ABTB3: variants seen among roughly 807,000 people sequenced by gnomAD.
ABTB3 encodes the protein ankyrin repeat- and BTB/POZ domain-containing protein 3.
At chr12:107,639,152 G>A in the ABTB3 span, among the ~76,000 whole-genome samples, 10 of 152,324 alleles carry the variant, frequency 6.6e-5, no homozygotes, top group Admixed American at 5.2e-4. Context: ...GGAACAGTGT[G>A]TGCAGAGCCC....
the ABTB3 span, among the ~76,000 whole-genome samples, chr12:107,440,951 C>G: frequency 6.6e-6 from 1 of 152,242 alleles, no homozygotes; most frequent in South Asian, 2.1e-4. Context: ...ATATGAGGCT[C>G]CAGCTGGAAG....
At chr12:107,434,588 G>A in the ABTB3 span, among the ~76,000 whole-genome samples, 16 of 152,278 alleles carry the variant, frequency 1.1e-4, 1 homozygote, top group East Asian at 2.3e-3. Flanking sequence ...TGGGCTGAGC[G>A]CAGTGGCTGA....
chr12:107,425,966 C>T, the ABTB3 span, among the ~76,000 whole-genome samples: 1 of 152,248 alleles, frequency 6.6e-6, no homozygotes, highest in Non-Finnish European at 1.5e-5. Context: ...CAGCCTTCTG[C>T]AGATCTGGAT....
At chr12:107,520,609 A>T in the ABTB3 span, 1 of 1,614,140 alleles carries the variant, frequency 6.2e-7, no homozygotes, top group East Asian at 2.2e-5. Flanking sequence ...TTTGCTGGCC[A>T]CGCGCGTAGG....
At chr12:107,541,245 G>C in the ABTB3 span, among the ~76,000 whole-genome samples, 4 of 152,200 alleles carry the variant, frequency 2.6e-5, no homozygotes, top group African/African-American at 9.7e-5. Flanking sequence ...TCACTTACTC[G>C]AATTTGGATG....
chr12:107,508,376 C>A, the ABTB3 span, among the ~76,000 whole-genome samples: 1 of 150,298 alleles, frequency 6.7e-6, no homozygotes. Flanking sequence ...CAAAAAGCTG[C>A]CCCCTCATTA....
chr12:107,515,308 C>T, the ABTB3 span, among the ~76,000 whole-genome samples: 11 of 152,148 alleles, frequency 7.2e-5, no homozygotes, highest in Non-Finnish European at 7.4e-5. Flanking sequence ...AAAGCAATCC[C>T]GTTGAGAATA....
At chr12:107,470,006 TTCTTTC>T in the ABTB3 span, among the ~76,000 whole-genome samples, 237 of 47,184 alleles carry the variant, frequency 5.0e-3, no homozygotes, top group South Asian at 0.011. Context: ...CTTTCTTTCT[TTCTTTC>T]TCTCTCTCTC....
the ABTB3 span, among the ~76,000 whole-genome samples, chr12:107,400,484 T>C: frequency 6.6e-6 from 1 of 152,234 alleles, no homozygotes; most frequent in African/African-American, 2.4e-5. Context: ...TTATGTTTGC[T>C]GAGCAGGTAC....
chr12:107,444,434 G>C, the ABTB3 span, among the ~76,000 whole-genome samples: 1 of 152,196 alleles, frequency 6.6e-6, no homozygotes, highest in African/African-American at 2.4e-5. Flanking sequence ...ACTGTGCTCA[G>C]TGGCCAGCCC....
chr12:107,583,260 A>C, the ABTB3 span, among the ~76,000 whole-genome samples: 1 of 152,242 alleles, frequency 6.6e-6, no homozygotes, highest in African/African-American at 2.4e-5. Context: ...AAAGTCCCCG[A>C]GCCTCTGCTA....
At chr12:107,596,469 C>T in the ABTB3 span, among the ~76,000 whole-genome samples, 1 of 152,226 alleles carries the variant, frequency 6.6e-6, no homozygotes, top group African/African-American at 2.4e-5. Flanking sequence ...AAAAATTAGC[C>T]AGGCATGGTA....
At chr12:107,358,296 T>C in the ABTB3 span, among the ~76,000 whole-genome samples, 1 of 152,140 alleles carries the variant, frequency 6.6e-6, no homozygotes, top group African/African-American at 2.4e-5. Context: ...GAAAGTGGCA[T>C]GTTAGTAGAC....
At chr12:107,619,523 A>G in the ABTB3 span, among the ~76,000 whole-genome samples, 1 of 152,152 alleles carries the variant, frequency 6.6e-6, no homozygotes, top group South Asian at 2.1e-4. Context: ...CTGGGCACGG[A>G]TGTGTTCCAG....
chr12:107,604,396 G>A, the ABTB3 span, among the ~76,000 whole-genome samples: 1 of 152,086 alleles, frequency 6.6e-6, no homozygotes, highest in Non-Finnish European at 1.5e-5. Context: ...GCAGTGAGCT[G>A]AGATCGCACC....
chr12:107,558,875 G>A, the ABTB3 span, among the ~76,000 whole-genome samples: 1 of 152,210 alleles, frequency 6.6e-6, no homozygotes, highest in Non-Finnish European at 1.5e-5. Flanking sequence ...AGCTAAGTTA[G>A]GATGTGGCAG....
chr12:107,638,716 G>C, the ABTB3 span, among the ~76,000 whole-genome samples: 1 of 152,182 alleles, frequency 6.6e-6, no homozygotes, highest in Non-Finnish European at 1.5e-5. Flanking sequence ...ACTTTGCTAA[G>C]TGCTCTCCAT....
At chr12:107,341,176 T>G in the ABTB3 span, among the ~76,000 whole-genome samples, 1 of 152,148 alleles carries the variant, frequency 6.6e-6, no homozygotes, top group Non-Finnish European at 1.5e-5. Flanking sequence ...AAGCTGCAGG[T>G]GCAGACAGGG....
the ABTB3 span, among the ~76,000 whole-genome samples, chr12:107,364,619 G>A: frequency 3.9e-5 from 6 of 152,042 alleles, no homozygotes; most frequent in African/African-American, 7.2e-5. Context: ...TGAAGGCAGC[G>A]ACACAAATCA....
Sources: gnomAD v4.1 joint callset for allele counts (sites outside exome capture counted in the v4.1 genomes callset) on GRCh38, gnomAD v4.1.1 for gene constraint, MANE v1.5 for transcripts, NCBI Gene and HGNC (gene_info 2026-07-23, HGNC 2026-07-21) for gene names.